SLC24A3: variants seen among roughly 807,000 people sequenced by gnomAD.
The protein encoded by SLC24A3 is sodium/potassium/calcium exchanger 3.
SLC24A3 carries 28 observed loss-of-function variants against 75.8 expected under a neutral mutation model. That is an observed-to-expected ratio of 0.37 (90% CI 0.27 to 0.51). The LOEUF is 0.51. Among genes scored for constraint, SLC24A3 ranks in the 20% least tolerant of loss-of-function variants. The pLI, the probability that SLC24A3 is intolerant of heterozygous loss-of-function variation, is 0.94. For missense variants in SLC24A3, 663 were observed against 847.8 expected (o/e 0.78, Z 2.71); for synonymous variants, 372 against 334.1 (o/e 1.11, Z -1.24).
intron 15 of SLC24A3, among the ~76,000 whole-genome samples, chr20:19,699,718 C>A (rs1348243191): frequency 3.9e-5 from 6 of 152,194 alleles, no homozygotes. Flanking sequence ...GCGTGGTCAG[C>A]TGCAGGCCTC....
In SLC24A3 at chr20:19,212,763, C is replaced by T. The variant is rs1342695456; in HGVS notation, c.-80C>T. ...GCGCGGCTGCTGCGCGCAGGGCTGC[C>T]TCCTGCCGCTGTCCCCGCCGCGGCC... On this transcript the variant is annotated 5_prime_UTR_variant, in exon 1 of 17. Transcript: ENST00000328041. The T allele has an allele frequency of 3.1e-6, 3 of 966,602 alleles. No individual in the cohort carries two copies. The South Asian group carries it at 1.4e-4, about 45-fold the overall frequency. The allele number at this position is 966,602 out of a possible 1,614,324, so 59.9% of individuals were successfully genotyped here.
At chr20:19,567,211 G>A (rs904534325) in intron 3 of SLC24A3, among the ~76,000 whole-genome samples, 4 of 152,082 alleles carry the variant, frequency 2.6e-5, no homozygotes, top group South Asian at 2.1e-4. Flanking sequence ...AATATAAATC[G>A]TTCTACCATA....
chr20:19,480,923 T>C (rs917510137), intron 2 of SLC24A3, among the ~76,000 whole-genome samples: 1 of 152,214 alleles, frequency 6.6e-6, no homozygotes, highest in African/African-American at 2.4e-5. Context: ...CAAATACATA[T>C]TGACTACCCT....
chr20:19,306,495 A>G (rs560694493), intron 2 of SLC24A3, among the ~76,000 whole-genome samples: 3 of 152,354 alleles, frequency 2.0e-5, no homozygotes. Flanking sequence ...TGTGATACAT[A>G]TATACCATGG....
intron 2 of SLC24A3, among the ~76,000 whole-genome samples, chr20:19,469,220 A>T (rs377199346): frequency 4.5e-4 from 69 of 152,154 alleles, no homozygotes; most frequent in Middle Eastern, 6.8e-3. Flanking sequence ...CAGGCAGGAG[A>T]TGAGGAGGAC....
intron 2 of SLC24A3, among the ~76,000 whole-genome samples, chr20:19,455,814 G>T (rs984499521): frequency 2.6e-5 from 4 of 152,226 alleles, no homozygotes; most frequent in Non-Finnish European, 4.4e-5. Context: ...CCTTCTGGGG[G>T]AAGTCAAATG....
chr20:19,258,594 C>T (rs1478137679), intron 1 of SLC24A3, among the ~76,000 whole-genome samples: 2 of 152,088 alleles, frequency 1.3e-5, no homozygotes, highest in Non-Finnish European at 2.9e-5. Flanking sequence ...CCCGGCTACT[C>T]GGGAGGCTGA....
intron 1 of SLC24A3, 70 bp from the exon 2 acceptor site, chr20:19,280,889 G>A: frequency 1.3e-6 from 2 of 1,550,840 alleles, no homozygotes; most frequent in Non-Finnish European, 8.7e-7. Flanking sequence ...CAGGGCAGCG[G>A]GCATGCAGCG....
At chr20:19,495,730 C>G (rs1230015812) in intron 2 of SLC24A3, among the ~76,000 whole-genome samples, 1 of 152,188 alleles carries the variant, frequency 6.6e-6, no homozygotes, top group East Asian at 1.9e-4. Context: ...CTAGAACTTC[C>G]CTTTCTGTTA....
chr20:19,657,086 C>T (rs2032275415), intron 7 of SLC24A3, among the ~76,000 whole-genome samples: 1 of 152,212 alleles, frequency 6.6e-6, no homozygotes, highest in African/African-American at 2.4e-5. Context: ...ATATTTCATT[C>T]AGACAGCAAC....
chr20:19,406,470 T>C (rs1160151757), intron 2 of SLC24A3, among the ~76,000 whole-genome samples: 1 of 152,210 alleles, frequency 6.6e-6, no homozygotes, highest in Non-Finnish European at 1.5e-5. Context: ...TAGATCTTTA[T>C]CCAGAGAGTC....
chr20:19,325,732 ATGTGTG>A (rs552339138), intron 2 of SLC24A3, among the ~76,000 whole-genome samples: 1,117 of 75,868 alleles, frequency 0.015, 36 homozygotes, highest in African/African-American at 0.054. Context: ...ATATATATAT[ATGTGTG>A]TGTGTGTGTG....
intron 15 of SLC24A3, among the ~76,000 whole-genome samples, chr20:19,700,842 A>T (rs774482984): frequency 4.1e-4 from 63 of 152,194 alleles, no homozygotes; most frequent in Admixed American, 3.4e-3. Context: ...TGTTGATTCA[A>T]ACCTTTCACT....
At chr20:19,683,413 C>G (rs937078177) in intron 10 of SLC24A3, among the ~76,000 whole-genome samples, 28 of 152,346 alleles carry the variant, frequency 1.8e-4, no homozygotes, top group African/African-American at 5.8e-4. Context: ...AGAGAGGGAG[C>G]TGGACCCTTC....
intron 2 of SLC24A3, among the ~76,000 whole-genome samples, chr20:19,351,153 A>G (rs1985556694): frequency 3.3e-5 from 5 of 152,132 alleles, no homozygotes. Context: ...ACAGTTCCCT[A>G]TGTCAACACC....
intron 2 of SLC24A3, among the ~76,000 whole-genome samples, chr20:19,444,294 T>C (rs1042680759): frequency 1.3e-5 from 2 of 152,200 alleles, no homozygotes; most frequent in Admixed American, 1.3e-4. Flanking sequence ...TCTGTAGTTT[T>C]CCTTTCATGT....
intron 3 of SLC24A3, among the ~76,000 whole-genome samples, chr20:19,545,870 C>T (rs1010172486): frequency 6.6e-6 from 1 of 152,054 alleles, no homozygotes; most frequent in African/African-American, 2.4e-5. Flanking sequence ...TAAAACAGGT[C>T]ATCGACCGGC....
chr20:19,659,528 G>C (rs993779137), intron 7 of SLC24A3, among the ~76,000 whole-genome samples: 1 of 152,182 alleles, frequency 6.6e-6, no homozygotes, highest in Non-Finnish European at 1.5e-5. Context: ...TTTTTAACAA[G>C]CATGGACTTG....
chr20:19,289,890 C>T (rs1983898331), intron 2 of SLC24A3, among the ~76,000 whole-genome samples: 1 of 152,158 alleles, frequency 6.6e-6, no homozygotes, highest in Admixed American at 6.5e-5. Context: ...CTCCAGGGCT[C>T]CCTGCTAGTT....
Sources: allele counts gnomAD v4.1 joint callset (sites outside exome capture counted in the v4.1 genomes callset), GRCh38; gene constraint gnomAD v4.1.1; transcripts MANE v1.5; gene names NCBI Gene and HGNC (gene_info 2026-07-23, HGNC 2026-07-21).